CDH3: variants seen among roughly 807,000 people sequenced by gnomAD.
CDH3 encodes cadherin 3.
Under a neutral mutation model 82.0 loss-of-function variants are expected in CDH3, and 54 were observed. That is an observed-to-expected ratio of 0.66 (90% confidence interval 0.53 to 0.83). The LOEUF (loss-of-function observed/expected upper bound fraction) is 0.83, where lower values mean the gene tolerates loss of function less well. Among genes scored for constraint, CDH3 ranks in the 40% least tolerant of loss-of-function variants. The pLI is 0.00. For missense variants in CDH3, 1,054 were observed against 1,084.6 expected, an observed-to-expected ratio of 0.97 and a Z score of 0.40; for synonymous variants, 446 against 437.9, an observed-to-expected ratio of 1.02 and a Z score of -0.23.
chr16:68,695,340 C>T lies in CDH3; in HGVS notation c.2088C>T (p.Asp696=), dbSNP rs1879971857. The T allele has an allele frequency of 6.2e-7, 1 of 1,613,892 alleles. No individual in the cohort carries two copies. Among genetic ancestry groups the T allele is most frequent in the African/African-American group, 1.3e-5 (1 of 74,900 alleles). Reference sequence around the variant, plus strand: ...TACTCCCAGAAGATGACACCCGTGACAACGTCTTCTACTATGGCGAAGAGG... The same window carrying T: ...TACTCCCAGAAGATGACACCCGTGATAACGTCTTCTACTATGGCGAAGAGG... ...PLLLPEDDTR[D]NVFYYGEEGG... is the part of the protein sequence containing the mutation. Residue 696 remains aspartate, a synonymous_variant, in exon 14 of 16, where the codon GAC becomes GAT. Coordinates refer to ENST00000264012, the MANE Select transcript of CDH3 (RefSeq NM_001793.6).
At chr16:68,664,250 C>A (rs1111722) in intron 2 of CDH3, among the ~76,000 whole-genome samples, 52,593 of 151,996 alleles carry the variant, frequency 0.35, 10,031 homozygotes, top group East Asian at 0.63. Flanking sequence ...TTTTGACATA[C>A]TGATTTCAGG....
At chr16:68,695,669 C>G in intron 14 of CDH3, 108 bp from the exon 15 acceptor site, 1 of 1,310,840 alleles carries the variant, frequency 7.6e-7, no homozygotes, top group Non-Finnish European at 1.1e-6. Context: ...TAAGACCTCC[C>G]CATGAGCCAG....
Position 68,682,432 on chromosome 16 carries a change from A to C in CDH3, c.1127A>C (p.His376Pro). The C allele has an allele frequency of 6.2e-7, 1 of 1,614,030 alleles. No homozygotes were observed. The change falls in exon 9 of 16, where the codon CAT becomes CCT. Residue 376 changes from histidine to proline, a missense_variant. Coordinates refer to ENST00000264012, the MANE Select transcript of CDH3 (RefSeq NM_001793.6). Reference protein sequence around the residue: ...YLIMGGDDGDHFTITTHPESN... With the variant: ...YLIMGGDDGDPFTITTHPESN... ...ATCATGGGCGGTGACGACGGGGACC[A>C]TTTTACCATCACCACCCACCCTGAG...
At chr16:68,731,895 G>C (rs576428339), downstream of CDH3, among the ~76,000 whole-genome samples, 1 of 152,080 alleles carries the variant, frequency 6.6e-6, no homozygotes, top group Non-Finnish European at 1.5e-5. Context: ...AAGGTAGAAA[G>C]ATGAAAGAAG....
chr16:68,658,015 A>G (rs957578056), intron 2 of CDH3, among the ~76,000 whole-genome samples: 2 of 151,794 alleles, frequency 1.3e-5, no homozygotes, highest in African/African-American at 4.8e-5. Context: ...TCCTCCTTCA[A>G]ATTTGGGGAC....
chr16:68,676,589 A>G (rs981545198), intron 3 of CDH3, 119 bp downstream of exon 3: 2 of 761,872 alleles, frequency 2.6e-6, no homozygotes. Flanking sequence ...CCTTCAGAGG[A>G]GGTAGTGTTA....
chr16:68,712,130 C>CA (rs577341594), intron 1 of CDH3, among the ~76,000 whole-genome samples: 1 of 151,418 alleles, frequency 6.6e-6, no homozygotes, highest in Non-Finnish European at 1.5e-5. Flanking sequence ...CTCAACCCCC[C>CA]AGGCTCGAGC....
chr16:68,691,742 G>A lies in CDH3; in HGVS notation c.1818G>A (p.Leu606=), dbSNP rs756373796. ...NEEGDTVVLS[L]KKFLKQDTYD... is the part of the protein sequence containing the mutation. ...CAGGTGACACAGTGGTCTTGTCCCT[G>A]AAGAAGTTCCTGAAGCAGGATACAT... is the stretch of plus-strand genomic sequence containing the variant. The change falls in exon 13 of 16, where the codon CTG becomes CTA. Residue 606 remains leucine (L), a synonymous_variant. Transcript: ENST00000264012. The A allele has an allele frequency of 1.9e-5, 30 of 1,613,986 alleles. No homozygotes were observed. The Middle Eastern group carries it at 6.6e-4, about 35-fold the overall frequency.
chr16:68,726,579 G>GTTT (rs60673311), intron 2 of CDH3, among the ~76,000 whole-genome samples: 3 of 132,184 alleles, frequency 2.3e-5, no homozygotes, highest in Non-Finnish European at 3.3e-5. Flanking sequence ...TTTTTTGGTT[G>GTTT]TTTTTTTTTT....
chr16:68,702,139 A>T (rs773648004), downstream of CDH3, among the ~76,000 whole-genome samples: 44 of 151,710 alleles, frequency 2.9e-4, no homozygotes, highest in Admixed American at 1.4e-3. Flanking sequence ...TGATCTGCCC[A>T]CCTCGGCCTC....
intron 7 of CDH3, among the ~76,000 whole-genome samples, chr16:68,680,187 C>T (rs1961179017): frequency 6.6e-6 from 1 of 152,262 alleles, no homozygotes; most frequent in South Asian, 2.1e-4. Flanking sequence ...AAATCTCCTC[C>T]AGGGCTGGGA....
intron 1 of CDH3, among the ~76,000 whole-genome samples, chr16:68,712,767 C>T (rs538407577): frequency 3.5e-3 from 539 of 152,032 alleles, no homozygotes; most frequent in Non-Finnish European, 6.0e-3. Flanking sequence ...CTGCAACCTC[C>T]GCCTCCCGGG....
At position 68,698,271 on chromosome 16, in the gene CDH3, C is replaced by T. The variant is rs201352240; in HGVS notation, c.2361C>T (p.Ser787=). ...LLVFDYEGSG[S]DAASLSSLTS... Reference sequence around the variant, plus strand: ...TGTTCGACTATGAGGGCAGCGGCTCCGACGCCGCGTCCCTGAGCTCCCTCA... The same window carrying T: ...TGTTCGACTATGAGGGCAGCGGCTCTGACGCCGCGTCCCTGAGCTCCCTCA... The change falls in exon 16 of 16, where the codon TCC becomes TCT. Residue 787 remains serine (S), a synonymous_variant. Coordinates refer to ENST00000264012, the MANE Select transcript of CDH3 (RefSeq NM_001793.6). The T allele has an allele frequency of 6.4e-5, 104 of 1,614,258 alleles. No individual in the cohort carries two copies. Among genetic ancestry groups the T allele is most frequent in the Non-Finnish European group, 3.1e-5 (36 of 1,180,032 alleles).
chr16:68,696,019 G>T (rs772881227), intron 15 of CDH3, 96 bp downstream of exon 15: 2 of 1,372,494 alleles, frequency 1.5e-6, no homozygotes, highest in East Asian at 2.4e-5. Context: ...TTGGGTCTGG[G>T]TTCAAATTCT....
In CDH3 at chr16:68,707,974, CTG is replaced by C. The variant is rs1335626251; in HGVS notation, c.99+12057_99+12058del. Reference sequence around the variant, plus strand: ...CTGACAGGGCAGGGCGCTGAGACCTCTGTGTGTCCTCCAGGAACCTGACGACC... The same window carrying C: ...CTGACAGGGCAGGGCGCTGAGACCTCTGTGTCCTCCAGGAACCTGACGACC... On this transcript the variant is annotated intron_variant, in intron 1 of 2. Coordinates refer to the CDH3 transcript ENST00000569080. This position sits in a 1 kb window ranked among gnomAD's most constrained non-coding sequence, Gnocchi z 4.5. Among the ~76,000 whole-genome samples the C allele has an allele frequency of 6.6e-6, 1 of 152,140 alleles. No homozygotes were observed. The highest frequency in any genetic ancestry group is 2.4e-5 in the African/African-American group (1 of 41,430).
chr16:68,689,586 C>A (rs1961509639), intron 12 of CDH3, among the ~76,000 whole-genome samples: 1 of 151,576 alleles, frequency 6.6e-6, no homozygotes. Flanking sequence ...CATTTAGTCA[C>A]CACTGCCATC....
chr16:68,679,715 A>G (rs1276331553), intron 6 of CDH3, 84 bp from the exon 7 acceptor site: 6 of 815,804 alleles, frequency 7.4e-6, no homozygotes, highest in East Asian at 2.9e-5. Flanking sequence ...AAAAAAAAAA[A>G]AAAGAAAAGA....
At chr16:68,681,652 A>G (rs1204458652) in intron 8 of CDH3, among the ~76,000 whole-genome samples, 1 of 152,230 alleles carries the variant, frequency 6.6e-6, no homozygotes, top group Non-Finnish European at 1.5e-5. Flanking sequence ...AACCTGGCCA[A>G]TATGGCGAAA....
At chr16:68,684,492 T>A in intron 9 of CDH3, 91 bp from the exon 10 acceptor site, 1 of 1,451,120 alleles carries the variant, frequency 6.9e-7, no homozygotes, top group South Asian at 1.1e-5. Flanking sequence ...AGCCCCTCAG[T>A]ATTGGTGTTT....
Sources: gnomAD v4.1 joint callset for allele counts (sites outside exome capture counted in the v4.1 genomes callset) on GRCh38, gnomAD v4.1.1 for gene constraint, Gnocchi (gnomAD v3.1) non-coding constraint, MANE v1.5 for transcripts, NCBI Gene and HGNC (gene_info 2026-07-23, HGNC 2026-07-21) for gene names.